CSMD1: variants seen among roughly 807,000 people sequenced by gnomAD.
CSMD1 encodes CUB and sushi domain-containing protein 1.
In CSMD1, 213 loss-of-function variants were observed where a neutral mutation model predicts 417.5. The observed-to-expected ratio is 0.51, with a 90% CI of 0.46 to 0.57. The LOEUF is 0.57. Ranked by LOEUF, CSMD1 falls within the 20% of genes least tolerant of loss-of-function variation. The pLI, the probability that CSMD1 is intolerant of heterozygous loss-of-function variation, is 0.00. For missense variants in CSMD1, 6,923 were observed against 4,529.7 expected, an observed-to-expected ratio of 1.53 and a Z score of -15.17; for synonymous variants, 2,862 against 1,736.8, an observed-to-expected ratio of 1.65 and a Z score of -16.11.
chr8:3,088,774 C>T (rs1346052237), intron 48 of CSMD1, among the ~76,000 whole-genome samples: 1 of 140,722 alleles, frequency 7.1e-6, no homozygotes, highest in East Asian at 2.2e-4. Context: ...AACCAAAATA[C>T]TTAGTTTAGA....
chr8:3,872,574 G>C (rs898889078), intron 5 of CSMD1, among the ~76,000 whole-genome samples: 3 of 152,156 alleles, frequency 2.0e-5, no homozygotes, highest in Non-Finnish European at 4.4e-5. Context: ...TTTCAGAATT[G>C]CTTGATAGAG....
At chr8:3,079,375 A>G (rs1813921142) in intron 49 of CSMD1, among the ~76,000 whole-genome samples, 1 of 152,230 alleles carries the variant, frequency 6.6e-6, no homozygotes, top group Non-Finnish European at 1.5e-5. Flanking sequence ...GTGATTTGAC[A>G]TTTAAAATCC....
intron 3 of CSMD1, among the ~76,000 whole-genome samples, chr8:4,220,186 G>A (rs1800942672): frequency 6.6e-6 from 1 of 152,182 alleles, no homozygotes; most frequent in African/African-American, 2.4e-5. Context: ...CCTGACGTCA[G>A]GTGATGTGCT....
intron 26 of CSMD1, among the ~76,000 whole-genome samples, chr8:3,259,558 A>C (rs1210953695): frequency 4.6e-5 from 7 of 152,350 alleles, no homozygotes; most frequent in African/African-American, 1.7e-4. Flanking sequence ...ATGACATTAC[A>C]ACTCCATTAC....
rs150247459 is a variant in CSMD1, at chr8:4,127,636, T to A, written c.416-95537A>T. The stretch of plus-strand genomic sequence containing the variant: ...ACACCCAAAGTACCTGTATGCATAT[T>A]AGAACCACTCACCCCCTTTACTTAG... On this transcript the variant is annotated intron_variant, in intron 3 of 69. Coordinates refer to ENST00000635120, the MANE Select transcript of CSMD1 (RefSeq NM_033225.6). 5.1e-3 allele frequency among the ~76,000 whole-genome samples: 781 copies of A among 152,214 alleles called. 4 individuals carry two copies. The highest frequency in any genetic ancestry group is 0.02 in the Middle Eastern group (6 of 294).
intron 1 of CSMD1, among the ~76,000 whole-genome samples, chr8:4,897,914 A>G (rs2117029690): frequency 6.6e-6 from 1 of 152,266 alleles, no homozygotes; most frequent in African/African-American, 2.4e-5. Context: ...GGCTTTGTTA[A>G]GTGGGGACAT....
chr8:2,961,206 G>A lies in CSMD1; in HGVS notation c.9637C>T (p.His3213Tyr), dbSNP rs1010139415. The change falls in exon 62 of 70, where the codon CAT becomes TAT. Residue 3213 changes from histidine (H) to tyrosine (Y), a missense_variant. By Grantham distance (83) the His-to-Tyr change is moderately conservative (BLOSUM62 2). Coordinates refer to ENST00000635120, the MANE Select transcript of CSMD1 (RefSeq NM_033225.6). ...GTACCAGGGTCTGGGCAGGTGTTAT[G>A]AGCAGGATCTGAAATTTGTGATTTA... ...GIQPTCIDPAHNTCPDPGTPH... is the reference protein window; with the variant it reads ...GIQPTCIDPAYNTCPDPGTPH... 8 of 1,592,324 alleles carry A rather than the reference G, an allele frequency of 5.0e-6. No homozygotes were observed. The highest frequency in any genetic ancestry group is 1.7e-4 in the Middle Eastern group (1 of 5,972).
At chr8:4,367,986 A>G (rs562456398) in intron 3 of CSMD1, among the ~76,000 whole-genome samples, 11 of 152,088 alleles carry the variant, frequency 7.2e-5, no homozygotes, top group African/African-American at 2.4e-4. Flanking sequence ...ATAGAGTTAC[A>G]TTGTCAGTGA....
chr8:4,443,968 G>C (rs984342485), intron 2 of CSMD1, among the ~76,000 whole-genome samples: 4 of 152,126 alleles, frequency 2.6e-5, no homozygotes, highest in African/African-American at 9.7e-5. Context: ...AATTACCTGT[G>C]ATATGAGGTG....
chr8:4,727,141 G>A (rs1346997036), intron 1 of CSMD1, among the ~76,000 whole-genome samples: 1 of 152,040 alleles, frequency 6.6e-6, no homozygotes, highest in Non-Finnish European at 1.5e-5. Context: ...CTTCTGCGGG[G>A]ACACTTCGCT....
intron 1 of CSMD1, among the ~76,000 whole-genome samples, chr8:4,978,778 A>G (rs558248722): frequency 6.6e-6 from 1 of 152,284 alleles, no homozygotes; most frequent in East Asian, 1.9e-4. Flanking sequence ...TCTCCACTAA[A>G]AATACAAAAA....
intron 6 of CSMD1, among the ~76,000 whole-genome samples, chr8:3,710,812 G>C (rs576634762): frequency 2.6e-5 from 4 of 152,240 alleles, no homozygotes; most frequent in African/African-American, 7.2e-5. Context: ...CAGATGCACA[G>C]GGAAGACTAT....
chr8:4,345,574 A>G (rs1014436170), intron 3 of CSMD1, among the ~76,000 whole-genome samples: 8 of 152,152 alleles, frequency 5.3e-5, no homozygotes, highest in African/African-American at 1.9e-4. Context: ...CAAAGCACTA[A>G]TATCTAAAAT....
At chr8:4,061,157 C>T (rs1798952297) in intron 3 of CSMD1, among the ~76,000 whole-genome samples, 2 of 152,158 alleles carry the variant, frequency 1.3e-5, no homozygotes, top group Non-Finnish European at 2.9e-5. Context: ...ATCCTTGCCC[C>T]TTACGATGGA....
At chr8:4,553,293 T>G (rs1205939088) in intron 2 of CSMD1, among the ~76,000 whole-genome samples, 3 of 152,192 alleles carry the variant, frequency 2.0e-5, no homozygotes, top group Non-Finnish European at 4.4e-5. Context: ...AGACTAAGAT[T>G]TCATATATCA....
chr8:3,668,270 G>A (rs565935905), intron 7 of CSMD1, among the ~76,000 whole-genome samples: 52 of 152,298 alleles, frequency 3.4e-4, no homozygotes, highest in Non-Finnish European at 2.2e-4. Flanking sequence ...TTCAGCCTGC[G>A]AAGATGGCCC....
At chr8:4,318,820 C>G (rs553857438) in intron 3 of CSMD1, among the ~76,000 whole-genome samples, 2 of 152,010 alleles carry the variant, frequency 1.3e-5, no homozygotes, top group South Asian at 4.2e-4. Context: ...TATTTGAAAG[C>G]TAACATCCTC....
At chr8:4,611,762 A>G (rs2130792206) in intron 2 of CSMD1, among the ~76,000 whole-genome samples, 1 of 152,312 alleles carries the variant, frequency 6.6e-6, no homozygotes, top group African/African-American at 2.4e-5. Context: ...TCTATTCAAA[A>G]TGTAGCAAAA....
At chr8:3,633,759 A>C (rs984998962) in intron 7 of CSMD1, among the ~76,000 whole-genome samples, 9 of 152,212 alleles carry the variant, frequency 5.9e-5, no homozygotes, top group African/African-American at 1.9e-4. Context: ...CAGCAACCCC[A>C]TAGGCATTGC....
Sources: allele counts gnomAD v4.1 joint callset (sites outside exome capture counted in the v4.1 genomes callset), GRCh38; gene constraint gnomAD v4.1.1; transcripts MANE v1.5; gene names NCBI Gene and HGNC (gene_info 2026-07-23, HGNC 2026-07-21).